PSMD1: variants seen among roughly 807,000 people sequenced by gnomAD.
PSMD1 encodes the protein proteasome 26S subunit, non-ATPase 1.
PSMD1 carries 18 observed loss-of-function variants against 119.0 expected under a neutral mutation model. That is an observed-to-expected ratio of 0.15 (90% CI 0.10 to 0.22). The LOEUF (loss-of-function observed/expected upper bound fraction) is 0.22. Among genes scored for constraint, PSMD1 ranks in the 10% least tolerant of loss-of-function variants. The pLI is 1.00. For synonymous variants in PSMD1, 374 were observed against 396.6 expected, an observed-to-expected ratio of 0.94 and a Z score of 0.68; for missense variants, 702 against 1,158.5, an observed-to-expected ratio of 0.61 and a Z score of 5.72.
At chr2:231,121,301 G>C (rs1695532563) in intron 16 of PSMD1, among the ~76,000 whole-genome samples, 1 of 152,168 alleles carries the variant, frequency 6.6e-6, no homozygotes, top group African/African-American at 2.4e-5. Flanking sequence ...GCTGAAGGCA[G>C]AGGATCACTT....
chr2:231,067,748 C>T (rs145502360), intron 5 of PSMD1, among the ~76,000 whole-genome samples: 113 of 152,214 alleles, frequency 7.4e-4, no homozygotes, highest in African/African-American at 2.6e-3. Context: ...CCTCTGCCTC[C>T]GGGGTTCAAG....
intron 16 of PSMD1, among the ~76,000 whole-genome samples, chr2:231,104,206 G>T (rs13394402): frequency 0.16 from 25,065 of 152,022 alleles, 2,213 homozygotes; most frequent in Non-Finnish European, 0.17. Flanking sequence ...ATTTAAAACT[G>T]TTTTTCTTCC....
At chr2:231,115,763 G>A (rs1695309978) in intron 16 of PSMD1, among the ~76,000 whole-genome samples, 5 of 152,138 alleles carry the variant, frequency 3.3e-5, no homozygotes. Context: ...ATCTGAAAGT[G>A]TTATTTAGAA....
chr2:231,161,919 G>C (rs1316220646), intron 20 of PSMD1, among the ~76,000 whole-genome samples: 2 of 152,214 alleles, frequency 1.3e-5, no homozygotes, highest in Non-Finnish European at 2.9e-5. Context: ...CAATGCTATT[G>C]CAGTAGTCTG....
At chr2:231,082,822 A>G (rs1371135896) in intron 12 of PSMD1, 61 bp from the exon 13 acceptor site, 9 of 1,254,170 alleles carry the variant, frequency 7.2e-6, no homozygotes, top group African/African-American at 4.5e-5. Flanking sequence ...TGAAATTAGA[A>G]TAAAAACTTG....
At chr2:231,098,390 G>C (rs1694775443) in intron 16 of PSMD1, among the ~76,000 whole-genome samples, 1 of 151,718 alleles carries the variant, frequency 6.6e-6, no homozygotes, top group African/African-American at 2.4e-5. Context: ...CTCTCTCTTT[G>C]AGTTTCTGTT....
chr2:231,066,948 C>T lies in PSMD1; in HGVS notation c.347C>T (p.Ala116Val). 2 of 1,612,126 alleles carry T rather than the reference C, an allele frequency of 1.2e-6. No individual in the cohort carries two copies. Among genetic ancestry groups the T allele is most frequent in the South Asian group, 1.1e-5 (1 of 90,652 alleles). Residue 116 changes from alanine (A) to valine (V), a missense_variant, in exon 5 of 25, where the codon GCA (alanine) becomes GTA (valine). By Grantham distance (64) the Ala-to-Val change is moderately conservative. Transcript: ENST00000308696. ...TACACCAAACAATGTGTGGAAAATG[C>T]AGATTTGCCTGAAGGAGAAAAAAAA... ...DHYTKQCVENADLPEGEKKPI... is the reference protein window; with the variant it reads ...DHYTKQCVENVDLPEGEKKPI...
intron 16 of PSMD1, chr2:231,108,709 C>A (rs771085630): frequency 1.9e-6 from 3 of 1,614,082 alleles, no homozygotes; most frequent in Non-Finnish European, 2.5e-6. Flanking sequence ...CCATTGGATT[C>A]CGGAAGTAGA....
chr2:231,070,060 G>A lies in PSMD1; in HGVS notation c.546G>A (p.Lys182=). The A allele has an allele frequency of 6.6e-7, 1 of 1,523,144 alleles. No homozygotes were observed. The highest frequency in any genetic ancestry group is 2.4e-5 in the East Asian group (1 of 41,086). 94.4% of individuals were successfully genotyped at this position (1,523,144 alleles called of 1,614,324 possible). ...CAGGAATGTTAGCTTATAGCCTTAAGCTCTGCATGTCTTTAATGCAGAATA... is the reference window on the plus strand; with the variant it reads ...CAGGAATGTTAGCTTATAGCCTTAAACTCTGCATGTCTTTAATGCAGAATA... The part of the protein sequence containing the change: ...DVPGMLAYSL[K]LCMSLMQNKQ... The change falls in exon 6 of 25, where the codon AAG becomes AAA. Residue 182 remains lysine, a synonymous_variant. Transcript: ENST00000308696.
At chr2:231,141,315 A>G (rs1696103829) in intron 17 of PSMD1, among the ~76,000 whole-genome samples, 1 of 152,094 alleles carries the variant, frequency 6.6e-6, no homozygotes, top group South Asian at 2.1e-4. Flanking sequence ...GAAAAAAAAA[A>G]AAAAGCTATT....
rs895128609 is a variant in PSMD1, at chr2:231,147,142, A to T, written c.2115+786A>T. On this transcript the variant is annotated intron_variant, in intron 18 of 24. Coordinates refer to ENST00000308696, the MANE Select transcript of PSMD1 (RefSeq NM_002807.4). ...AAGAGATCCTCTTCACATATCCTCC[A>T]CAATCCACACCCACCTTGTGGGTGA... Among the ~76,000 whole-genome samples the T allele has an allele frequency of 2.6e-5, 4 of 152,112 alleles. No homozygotes were observed. The East Asian group carries it at 7.7e-4, about 29-fold the overall frequency.
Position 231,119,201 on chromosome 2 carries a change from A to G in PSMD1, c.1884-19535A>G, listed in dbSNP as rs574123796. 2.6e-5 allele frequency among the ~76,000 whole-genome samples: 4 copies of G among 152,256 alleles called. No homozygotes were observed. The South Asian group carries it at 8.3e-4, about 31-fold the overall frequency. On this transcript the variant is annotated intron_variant, in intron 16 of 24. Coordinates refer to ENST00000308696, the MANE Select transcript of PSMD1 (RefSeq NM_002807.4). Reference sequence around the variant, plus strand: ...CTTTAATTCATTGCTTTTCTCCTCCATTTCAGAATTGGGTAGGCTAACATT... The same window carrying G: ...CTTTAATTCATTGCTTTTCTCCTCCGTTTCAGAATTGGGTAGGCTAACATT...
rs1182722766 is a variant in PSMD1, at chr2:231,062,601, C to G, written c.230C>G (p.Ser77Cys). 6.2e-7 allele frequency: 1 copy of G among 1,613,540 alleles called. No homozygotes were observed. Among genetic ancestry groups the G allele is most frequent in the East Asian group, 2.2e-5 (1 of 44,886 alleles). ...TATCACCTGGGGGCTTTTGAGGAGT[C>G]TCTGAATTATGCTCTTGGAGCAGGG... ...VFYHLGAFEE[S>C]LNYALGAGDL... Residue 77 changes from serine (S) to cysteine (C), a missense_variant, in exon 4 of 25, where the codon TCT becomes TGT. Physicochemically the swap from Ser to Cys is moderately radical, Grantham distance 112. Around this residue, in one of 9 missense-constraint regions of PSMD1, gnomAD observed 60 missense variants for 118.2 expected, o/e 0.51. Coordinates refer to ENST00000308696, the MANE Select transcript of PSMD1 (RefSeq NM_002807.4).
intron 18 of PSMD1, among the ~76,000 whole-genome samples, chr2:231,149,184 G>A (rs1357050486): frequency 6.6e-6 from 1 of 152,120 alleles, no homozygotes; most frequent in Non-Finnish European, 1.5e-5. Context: ...TCTTTGCTTT[G>A]CTTCTCTCAG....
chr2:231,108,340 C>T, intron 16 of PSMD1: 2 of 561,750 alleles, frequency 3.6e-6, no homozygotes, highest in East Asian at 5.9e-5. Context: ...AATTATTTTC[C>T]TCATGGAATA....
chr2:231,143,529 G>A (rs1259164016), intron 17 of PSMD1, among the ~76,000 whole-genome samples: 1 of 152,020 alleles, frequency 6.6e-6, no homozygotes, highest in African/African-American at 2.4e-5. Flanking sequence ...TGCCCGGCCA[G>A]GGACATTGTG....
intron 6 of PSMD1, among the ~76,000 whole-genome samples, chr2:231,071,329 A>G (rs1340485193): frequency 6.6e-6 from 1 of 152,014 alleles, no homozygotes; most frequent in Non-Finnish European, 1.5e-5. Flanking sequence ...TTTTGAGCAG[A>G]TAATATGTTC....
At chr2:231,066,578 TGTG>T (rs1693914700) in intron 4 of PSMD1, among the ~76,000 whole-genome samples, 1 of 152,148 alleles carries the variant, frequency 6.6e-6, no homozygotes, top group African/African-American at 2.4e-5. Flanking sequence ...AGGGTCCCAT[TGTG>T]GTGCTCAGGC....
At chr2:231,161,695 A>G (rs143307998) in intron 20 of PSMD1, among the ~76,000 whole-genome samples, 186 bp downstream of exon 20, 1 of 152,358 alleles carries the variant, frequency 6.6e-6, no homozygotes, top group African/African-American at 2.4e-5. Flanking sequence ...TTTGAAAAGC[A>G]TATCTCCTTA....
Sources: allele counts gnomAD v4.1 joint callset (sites outside exome capture counted in the v4.1 genomes callset), GRCh38; gene constraint gnomAD v4.1.1; regional missense constraint gnomAD v4.1.1; transcripts MANE v1.5; gene names NCBI Gene and HGNC (gene_info 2026-07-23, HGNC 2026-07-21).